Variants in SCAPER observed in about 807,000 individuals in gnomAD.
SCAPER encodes S phase cyclin A-associated protein in the endoplasmic reticulum.
SCAPER carries 98 observed loss-of-function variants against 182.2 expected under a neutral mutation model. That is an observed-to-expected ratio of 0.54 (90% CI 0.46 to 0.64). SCAPER has a LOEUF of 0.64. Among genes scored for constraint, SCAPER ranks in the 30% least tolerant of loss-of-function variants. The pLI, the probability that SCAPER is intolerant of heterozygous loss-of-function variation, is 0.00. For missense variants in SCAPER, 1,432 were observed against 1,690.0 expected (o/e 0.85, Z 2.68); for synonymous variants, 605 against 564.6 (o/e 1.07, Z -1.01).
At position 76,789,957 on chromosome 15, in the gene SCAPER, G is replaced by A. The variant is rs182890208; in HGVS notation, c.772+5323C>T. Among the ~76,000 whole-genome samples the A allele has an allele frequency of 3.8e-3, 579 of 152,176 alleles. 5 individuals are homozygous for A. Among genetic ancestry groups the A allele is most frequent in the African/African-American group, 0.012 (496 of 41,540 alleles). ...TATTTACATCAATGGGGCCGGGCGC[G>A]GTGGCTCACGCCTGTAATCCCAGCA... On this transcript the variant is annotated intron_variant, in intron 8 of 31. Coordinates refer to ENST00000563290, the MANE Select transcript of SCAPER (RefSeq NM_020843.4).
At chr15:76,783,392 T>C (rs968214010) in intron 8 of SCAPER, among the ~76,000 whole-genome samples, 3 of 152,112 alleles carry the variant, frequency 2.0e-5, no homozygotes, top group African/African-American at 4.8e-5. Context: ...CAATAATTAA[T>C]AGCCTACCAA....
intron 21 of SCAPER, among the ~76,000 whole-genome samples, chr15:76,652,518 T>TACATAC (rs139738135): frequency 2.6e-4 from 23 of 88,924 alleles, no homozygotes; most frequent in African/African-American, 8.1e-4. Context: ...TTTACATACA[T>TACATAC]ACACACACAC....
At chr15:76,701,603 T>C (rs961680309) in intron 20 of SCAPER, among the ~76,000 whole-genome samples, 155 bp downstream of exon 20, 25 of 152,196 alleles carry the variant, frequency 1.6e-4, no homozygotes, top group African/African-American at 4.8e-4. Flanking sequence ...ACTAAAATAA[T>C]GACACATTTG....
At chr15:76,571,610 G>A (rs1460708384) in intron 23 of SCAPER, among the ~76,000 whole-genome samples, 2 of 152,016 alleles carry the variant, frequency 1.3e-5, no homozygotes, top group African/African-American at 4.8e-5. Context: ...AGCGATAGTA[G>A]AAAGCATCCA....
chr15:76,780,045 A>G lies in SCAPER; in HGVS notation c.773-4928T>C, dbSNP rs2064010108. ...GTGACTGGTTGGACAGGAGGCGCCCACAAAAGGCGAGCCAAAGCAGGGCTG... is the reference window on the plus strand; with the variant it reads ...GTGACTGGTTGGACAGGAGGCGCCCGCAAAAGGCGAGCCAAAGCAGGGCTG... On this transcript the variant is annotated intron_variant, in intron 8 of 31. Coordinates refer to ENST00000563290, the MANE Select transcript of SCAPER (RefSeq NM_020843.4). 2.6e-5 allele frequency among the ~76,000 whole-genome samples: 4 copies of G among 152,350 alleles called. No individual in the cohort carries two copies. The East Asian group carries it at 7.7e-4, about 29-fold the overall frequency.
chr15:76,818,111 G>T (rs559218146), intron 5 of SCAPER, among the ~76,000 whole-genome samples: 15 of 152,242 alleles, frequency 9.9e-5, no homozygotes, highest in African/African-American at 3.6e-4. Context: ...CAGGTCAATG[G>T]AACAGAACAA....
At chr15:76,852,850 C>T (rs2070894563) in intron 4 of SCAPER, among the ~76,000 whole-genome samples, 1 of 152,072 alleles carries the variant, frequency 6.6e-6, no homozygotes, top group East Asian at 1.9e-4. Context: ...CAGAGATGAA[C>T]CAAGGAAATC....
At chr15:76,867,446 A>T (rs2072378926) in intron 2 of SCAPER, among the ~76,000 whole-genome samples, 1 of 151,414 alleles carries the variant, frequency 6.6e-6, no homozygotes, top group Non-Finnish European at 1.5e-5. Flanking sequence ...AATATTACAG[A>T]ATGATAAGCT....
At chr15:76,734,700 C>A (rs2061138439) in intron 15 of SCAPER, among the ~76,000 whole-genome samples, 3 of 151,968 alleles carry the variant, frequency 2.0e-5, no homozygotes, top group African/African-American at 7.3e-5. Flanking sequence ...GATGGTGAAA[C>A]CCCGTCTCTA....
intron 17 of SCAPER, among the ~76,000 whole-genome samples, chr15:76,713,198 A>G (rs75208359): frequency 0.074 from 11,272 of 151,724 alleles, 464 homozygotes; most frequent in Middle Eastern, 0.1. Context: ...AAACTAGTTC[A>G]ACCATTGTGG....
At chr15:76,640,661 G>C (rs1184595869) in intron 21 of SCAPER, among the ~76,000 whole-genome samples, 1 of 152,184 alleles carries the variant, frequency 6.6e-6, no homozygotes, top group Non-Finnish European at 1.5e-5. Flanking sequence ...ATCCAATCGT[G>C]ATCAGTGCCA....
chr15:76,477,953 T>C (rs2050794008), intron 24 of SCAPER, among the ~76,000 whole-genome samples: 1 of 152,008 alleles, frequency 6.6e-6, no homozygotes, highest in Admixed American at 6.5e-5. Flanking sequence ...TTTTTAGTTT[T>C]TTTTGGTCAT....
In SCAPER at chr15:76,516,208, T is replaced by C. The variant is rs545130902; in HGVS notation, c.2839-11234A>G. On this transcript the variant is annotated intron_variant, in intron 23 of 31. Coordinates refer to ENST00000563290, the MANE Select transcript of SCAPER (RefSeq NM_020843.4). ...TCTTTTTTTTTTTATATATATTCTT[T>C]TAAAAAATTTTTTAAATTATACTTT... Among the ~76,000 whole-genome samples, 6 of 151,874 alleles carry C rather than the reference T, an allele frequency of 4.0e-5. 1 individual carries two copies. The highest frequency in any genetic ancestry group is 1.4e-4 in the African/African-American group (6 of 41,520).
intron 22 of SCAPER, among the ~76,000 whole-genome samples, chr15:76,608,809 A>G (rs532801306): frequency 6.6e-6 from 1 of 152,180 alleles, no homozygotes; most frequent in African/African-American, 2.4e-5. Flanking sequence ...CCGTTGGGGT[A>G]GGACCCTCTG....
intron 16 of SCAPER, among the ~76,000 whole-genome samples, chr15:76,731,898 C>T (rs1220783466): frequency 6.6e-6 from 1 of 152,146 alleles, no homozygotes; most frequent in Non-Finnish European, 1.5e-5. Flanking sequence ...TGAGAGTCAT[C>T]ATTTTTAAAC....
At chr15:76,476,595 ATTTTTTTT>A (rs5813839) in intron 24 of SCAPER, among the ~76,000 whole-genome samples, 39 of 73,536 alleles carry the variant, frequency 5.3e-4, no homozygotes, top group East Asian at 9.8e-4. Flanking sequence ...CACCCAGCTA[ATTTTTTTT>A]TTTTTTTTTT....
At chr15:76,458,232 A>G (rs2048887605) in intron 25 of SCAPER, among the ~76,000 whole-genome samples, 1 of 152,104 alleles carries the variant, frequency 6.6e-6, no homozygotes, top group South Asian at 2.1e-4. Context: ...ACACACACAC[A>G]TATACCCACA....
intron 16 of SCAPER, 37 bp downstream of exon 16, chr15:76,733,192 G>T (rs1327537770): frequency 6.5e-7 from 1 of 1,544,278 alleles, no homozygotes; most frequent in South Asian, 1.2e-5. Flanking sequence ...AATATGACAG[G>T]TGCTCAAGCA....
At position 76,504,914 on chromosome 15, in the gene SCAPER, G is replaced by A; in HGVS notation, c.2899C>T (p.Leu967Phe). The A allele has an allele frequency of 6.2e-7, 1 of 1,613,020 alleles. No individual in the cohort carries two copies. The highest frequency in any genetic ancestry group is 8.5e-7 in the Non-Finnish European group (1 of 1,179,568). Residue 967 changes from leucine to phenylalanine, a missense_variant, in exon 24 of 32, where the codon CTT (leucine) becomes TTT (phenylalanine). Physicochemically the swap from Leu to Phe is conservative, Grantham distance 22. Around this residue, in one of 5 missense-constraint regions of SCAPER, gnomAD observed 718 missense variants for 799.7 expected, o/e 0.90. Transcript: ENST00000563290. ...AGGLTALEHI[L>F]QAVVPATNVN... ...TTTGTGGCTGGGACTACTGCTTGAA[G>A]GATGTGTTCAAGGGCTGTTAATCCA...
Sources: allele counts gnomAD v4.1 joint callset (sites outside exome capture counted in the v4.1 genomes callset), GRCh38; gene constraint gnomAD v4.1.1; regional missense constraint gnomAD v4.1.1; transcripts MANE v1.5; gene names NCBI Gene and HGNC (gene_info 2026-07-23, HGNC 2026-07-21).